DOK5: variants seen among roughly 807,000 people sequenced by gnomAD.
The protein encoded by DOK5 is downstream of tyrosine kinase 5.
DOK5 carries 27 observed loss-of-function variants against 43.3 expected under a neutral mutation model. That is an observed-to-expected ratio of 0.62 (90% CI 0.46 to 0.86). The LOEUF (loss-of-function observed/expected upper bound fraction) is 0.86. DOK5 is among the 40% of genes least tolerant of loss of function. DOK5 has a pLI of 0.00. For synonymous variants in DOK5, 146 were observed against 140.1 expected, an observed-to-expected ratio of 1.04 and a Z score of -0.30; for missense variants, 373 against 392.9, an observed-to-expected ratio of 0.95 and a Z score of 0.43.
intron 4 of DOK5, among the ~76,000 whole-genome samples, chr20:54,589,991 G>A (rs1029813196): frequency 6.6e-6 from 1 of 152,066 alleles, no homozygotes; most frequent in South Asian, 2.1e-4. Context: ...ACTAAATCAG[G>A]ACACCCCAGG....
intron 2 of DOK5, among the ~76,000 whole-genome samples, chr20:54,575,303 T>C (rs1232770799): frequency 6.6e-6 from 1 of 152,172 alleles, no homozygotes; most frequent in Non-Finnish European, 1.5e-5. Context: ...TGGACAGGCA[T>C]GGGCACACAC....
chr20:54,555,321 C>T (rs80058323), intron 2 of DOK5: 3 of 289,592 alleles, frequency 1.0e-5, no homozygotes, highest in South Asian at 5.0e-5. Context: ...ACTGAAGCCC[C>T]GAGAGGATGA....
intron 1 of DOK5, among the ~76,000 whole-genome samples, chr20:54,534,609 G>A (rs917766545): frequency 6.6e-6 from 1 of 152,190 alleles, no homozygotes; most frequent in Admixed American, 6.5e-5. Context: ...CAGTTTGGGT[G>A]ACATTTAAGT....
intron 1 of DOK5, among the ~76,000 whole-genome samples, chr20:54,477,208 G>A (rs969015972): frequency 1.3e-5 from 2 of 152,210 alleles, no homozygotes; most frequent in South Asian, 4.2e-4. Flanking sequence ...TTGGTCTTTG[G>A]ACTGTTTTAA....
At chr20:54,531,786 C>T (rs1983781379) in intron 1 of DOK5, among the ~76,000 whole-genome samples, 2 of 152,188 alleles carry the variant, frequency 1.3e-5, no homozygotes, top group Admixed American at 6.5e-5. Context: ...TTTATTTCTT[C>T]ATTTTACTTG....
At chr20:54,500,624 C>A (rs898412500) in intron 1 of DOK5, among the ~76,000 whole-genome samples, 3 of 146,398 alleles carry the variant, frequency 2.0e-5, no homozygotes, top group African/African-American at 7.8e-5. Context: ...TATAGTGGCA[C>A]GATCTCGGCT....
At chr20:54,639,648 A>T (rs1979010896) in intron 6 of DOK5, among the ~76,000 whole-genome samples, 1 of 152,062 alleles carries the variant, frequency 6.6e-6, no homozygotes, top group African/African-American at 2.4e-5. Context: ...ATAAAAATAT[A>T]TTTTTTAAGT....
At chr20:54,580,860 T>C (rs1488663856) in intron 2 of DOK5, among the ~76,000 whole-genome samples, 1 of 152,166 alleles carries the variant, frequency 6.6e-6, no homozygotes, top group Non-Finnish European at 1.5e-5. Context: ...TTCTTTTCTA[T>C]GTATAAACTT....
chr20:54,591,355 T>C (rs899431744), intron 4 of DOK5, among the ~76,000 whole-genome samples: 1 of 152,216 alleles, frequency 6.6e-6, no homozygotes, highest in African/African-American at 2.4e-5. Flanking sequence ...AATTTAAAAA[T>C]TCTAAAAATG....
chr20:54,614,020 A>C (rs568077865), intron 6 of DOK5, among the ~76,000 whole-genome samples: 4 of 148,968 alleles, frequency 2.7e-5, no homozygotes, highest in South Asian at 4.2e-4. Context: ...ATATATGGTT[A>C]TATATATTTA....
At chr20:54,538,865 A>T (rs1490993304) in intron 1 of DOK5, among the ~76,000 whole-genome samples, 2 of 152,250 alleles carry the variant, frequency 1.3e-5, no homozygotes, top group Non-Finnish European at 2.9e-5. Flanking sequence ...ACATTAGTAC[A>T]ATGGAATATC....
intron 6 of DOK5, among the ~76,000 whole-genome samples, chr20:54,638,763 T>C (rs867359790): frequency 2.6e-4 from 39 of 148,736 alleles, no homozygotes; most frequent in African/African-American, 9.1e-4. Context: ...TTTTTTTTTT[T>C]TTTTTTTTGA....
chr20:54,641,500 TAAAA>T (rs1321488507), intron 6 of DOK5, among the ~76,000 whole-genome samples: 3 of 148,350 alleles, frequency 2.0e-5, no homozygotes, highest in African/African-American at 7.4e-5. Flanking sequence ...TGGAAATTTT[TAAAA>T]AAAAAATCCT....
intron 1 of DOK5, among the ~76,000 whole-genome samples, chr20:54,528,211 C>T (rs973636008): frequency 6.6e-6 from 1 of 151,994 alleles, no homozygotes; most frequent in African/African-American, 2.4e-5. Context: ...CGTCTCAAAA[C>T]AAAACAAACC....
chr20:54,482,487 A>G (rs2146657816), intron 1 of DOK5, among the ~76,000 whole-genome samples: 1 of 152,078 alleles, frequency 6.6e-6, no homozygotes, highest in Admixed American at 6.5e-5. Context: ...GATAGAATAA[A>G]CTCATATACT....
intron 6 of DOK5, among the ~76,000 whole-genome samples, chr20:54,631,975 AC>A (rs1240881719): frequency 1.3e-5 from 2 of 152,206 alleles, no homozygotes; most frequent in African/African-American, 4.8e-5. Context: ...CGTCTCAAAA[AC>A]AAAACAAAAC....
chr20:54,563,664 G>GTTTTTTTTTTTTTTTT (rs76886127), intron 2 of DOK5, among the ~76,000 whole-genome samples: 26 of 114,344 alleles, frequency 2.3e-4, no homozygotes, highest in East Asian at 5.3e-4. Context: ...TATTTGTCAG[G>GTTTTTTTTTTTTTTTT]TTTTTTTTTT....
Position 54,506,641 on chromosome 20 carries a change from T to C in DOK5, c.66+30629T>C, listed in dbSNP as rs77461163. On this transcript the variant is annotated intron_variant, in intron 1 of 7. Coordinates refer to ENST00000262593, the MANE Select transcript of DOK5 (RefSeq NM_018431.5). The stretch of plus-strand genomic sequence containing the variant: ...CGCCTGGCTAATTTTTACAAACTTC[T>C]TGTAGAGGCGGAGTCTCTCCGGTTG... Among the ~76,000 whole-genome samples the C allele has an allele frequency of 5.5e-3, 843 of 152,272 alleles. 11 individuals are homozygous for C. The highest frequency in any genetic ancestry group is 0.019 in the African/African-American group (799 of 41,552).
At chr20:54,564,199 G>A (rs576856926) in intron 2 of DOK5, among the ~76,000 whole-genome samples, 12 of 152,190 alleles carry the variant, frequency 7.9e-5, no homozygotes, top group South Asian at 4.1e-4. Context: ...TGAGGTGAGC[G>A]GATCATGAGG....
Sources: gnomAD v4.1 joint callset for allele counts (sites outside exome capture counted in the v4.1 genomes callset) on GRCh38, gnomAD v4.1.1 for gene constraint, MANE v1.5 for transcripts, NCBI Gene and HGNC (gene_info 2026-07-23, HGNC 2026-07-21) for gene names.